Variants in DPP8 observed in about 807,000 individuals in gnomAD.
The protein encoded by DPP8 is dipeptidyl peptidase 8, also known as DPP VIII.
Under a neutral mutation model 107.5 loss-of-function variants are expected in DPP8, and 31 were observed. The ratio of observed to expected loss-of-function variants is 0.29; its 90% CI spans 0.22 to 0.39. The LOEUF is 0.39. Among genes scored for constraint, DPP8 ranks in the 10% least tolerant of loss-of-function variants. The pLI is 1.00. For synonymous variants in DPP8, 381 were observed against 356.6 expected (o/e 1.07, Z -0.77); for missense variants, 842 against 1,076.1 (o/e 0.78, Z 3.04).
chr15:65,456,098 T>C (rs911766300), intron 16 of DPP8, 127 bp downstream of exon 16: 66 of 1,135,932 alleles, frequency 5.8e-5, no homozygotes, highest in Middle Eastern at 2.7e-4. Flanking sequence ...CCCCAAACTC[T>C]AACACATACA....
At chr15:65,456,055 A>G (rs966616380) in intron 16 of DPP8, among the ~76,000 whole-genome samples, 170 bp downstream of exon 16, 1 of 152,156 alleles carries the variant, frequency 6.6e-6, no homozygotes. Flanking sequence ...ACGTATAAGT[A>G]GGGTGTACAT....
chr15:65,497,954 G>C lies in DPP8; in HGVS notation c.625C>G (p.Pro209Ala). The change falls in exon 5 of 20, where the codon CCA (proline) becomes GCA (alanine). Residue 209 changes from proline (P) to alanine (A), a missense_variant. Transcript: ENST00000300141. ...RMDPKLCPAD[P>A]DWIAFIHSND... The stretch of plus-strand genomic sequence containing the variant: ...CTATGTATAAAAGCAATCCAGTCTG[G>C]ATCAGCAGGGCATAATTTTGGATCC... The C allele has an allele frequency of 6.2e-7, 1 of 1,611,792 alleles. No individual in the cohort carries two copies. The highest frequency in any genetic ancestry group is 2.2e-5 in the East Asian group (1 of 44,846).
intron 15 of DPP8, among the ~76,000 whole-genome samples, chr15:65,462,301 A>G (rs2064995987): frequency 6.6e-6 from 1 of 152,102 alleles, no homozygotes; most frequent in South Asian, 2.1e-4. Context: ...ATGAAAATAC[A>G]AATGTCAATC....
At chr15:65,508,238 T>C (rs2070318799) in intron 2 of DPP8, among the ~76,000 whole-genome samples, 1 of 142,100 alleles carries the variant, frequency 7.0e-6, no homozygotes, top group Non-Finnish European at 1.5e-5. Flanking sequence ...AGACTCCGTC[T>C]CAAAAAAAAA....
rs567860914 is a variant in DPP8 at position 65,513,314 on chromosome 15, C to T, written c.-11-750G>A. Among the ~76,000 whole-genome samples, 13 of 152,134 alleles carry T rather than the reference C, an allele frequency of 8.5e-5. No homozygotes were observed. In the South Asian group the frequency reaches 1.9e-3, roughly 22 times the overall value. On this transcript the variant is annotated intron_variant, in intron 1 of 19. Coordinates refer to ENST00000300141, the MANE Select transcript of DPP8 (RefSeq NM_130434.5). ...TTGCAAGCTCCGCCTCCCAGGTTCA[C>T]GCCATTCTCTGCCTTAGCCTCCCCA...
intron 2 of DPP8, chr15:65,511,914 A>G: frequency 3.1e-6 from 1 of 319,758 alleles, no homozygotes; most frequent in East Asian, 7.5e-5. Flanking sequence ...GGATTCAGGA[A>G]GAAGAGACCA....
intron 12 of DPP8, among the ~76,000 whole-genome samples, 195 bp downstream of exon 12, chr15:65,474,014 G>A (rs779898734): frequency 2.0e-5 from 3 of 152,080 alleles, no homozygotes; most frequent in Non-Finnish European, 4.4e-5. Context: ...AGAGGCAGGA[G>A]AACTGCTTGA....
chr15:65,502,958 T>A (rs1202626932), intron 3 of DPP8: 1 of 152,034 alleles, frequency 6.6e-6, no homozygotes, highest in Non-Finnish European at 1.5e-5. Context: ...TAGAAAGACA[T>A]CACGTATGCA....
intron 3 of DPP8, among the ~76,000 whole-genome samples, chr15:65,504,061 C>T (rs115612979): frequency 0.048 from 7,281 of 152,002 alleles, 588 homozygotes; most frequent in African/African-American, 0.17. Context: ...TGTGCCTGGC[C>T]CTTTTTAAAA....
At chr15:65,504,224 G>C (rs1460036767) in intron 3 of DPP8, among the ~76,000 whole-genome samples, 2 of 152,092 alleles carry the variant, frequency 1.3e-5, no homozygotes, top group Non-Finnish European at 2.9e-5. Context: ...TCATCCGGGT[G>C]TGGTGGCGCA....
intron 16 of DPP8, chr15:65,455,580 T>C (rs1386162675): frequency 2.2e-6 from 2 of 898,522 alleles, no homozygotes; most frequent in African/African-American, 3.5e-5. Context: ...ACCTTGTCTA[T>C]ATTACTAGGC....
intron 12 of DPP8, among the ~76,000 whole-genome samples, chr15:65,473,965 G>A (rs571802845): frequency 7.2e-5 from 11 of 152,164 alleles, no homozygotes; most frequent in South Asian, 2.1e-4. Context: ...TTAGCCGGGC[G>A]TGGTGGCACA....
intron 15 of DPP8, among the ~76,000 whole-genome samples, chr15:65,457,266 A>G (rs2064510789): frequency 6.6e-6 from 1 of 152,160 alleles, no homozygotes; most frequent in Non-Finnish European, 1.5e-5. Flanking sequence ...AGGCATGAGA[A>G]TTGCTTGAAC....
chr15:65,512,679 T>C (rs1317503210), intron 1 of DPP8, 115 bp from the exon 2 acceptor site: 2 of 1,031,690 alleles, frequency 1.9e-6, no homozygotes, highest in Non-Finnish European at 2.9e-6. Context: ...AAAAAATGCT[T>C]TTTAGCACAG....
In DPP8 at chr15:65,444,791, G is replaced by A. The variant is rs1443336881; in HGVS notation, c.*2093C>T. 2 of 152,132 alleles carry A rather than the reference G, an allele frequency of 1.3e-5. No individual in the cohort carries two copies. The highest frequency in any genetic ancestry group is 2.9e-5 in the Non-Finnish European group (2 of 68,034). The allele number at this position is 152,132 out of a possible 1,614,324, so 9.4% of individuals were successfully genotyped here. A position where few individuals can be genotyped will look rare whatever the true frequency, so the allele number is the denominator to read the frequency against. On this transcript the variant is annotated 3_prime_UTR_variant, in exon 20 of 20. Coordinates refer to ENST00000300141, the MANE Select transcript of DPP8 (RefSeq NM_130434.5). ...GAAGAAACAGCCTTAATGGGTGAGAGGTTTCAATGGAGTAGCTGCTTAAAA... is the reference window on the plus strand; with the variant it reads ...GAAGAAACAGCCTTAATGGGTGAGAAGTTTCAATGGAGTAGCTGCTTAAAA...
At chr15:65,481,782 T>G (rs2066948729) in intron 8 of DPP8, among the ~76,000 whole-genome samples, 167 bp from the exon 9 acceptor site, 1 of 152,142 alleles carries the variant, frequency 6.6e-6, no homozygotes, top group African/African-American at 2.4e-5. Context: ...CTGGGTTACC[T>G]ATACTGGTAC....
Position 65,466,895 on chromosome 15 carries a change from G to C in DPP8, c.1690-82C>G, listed in dbSNP as rs1280304610. 17 of 1,443,078 alleles carry C rather than the reference G, an allele frequency of 1.2e-5. No individual in the cohort carries two copies. The South Asian group carries it at 1.6e-4, about 14-fold the overall frequency. The allele number at this position is 1,443,078 out of a possible 1,614,324, so 89.4% of individuals were successfully genotyped here. ...CTGTTACATCTGCACTAATGATATA[G>C]CAAGAGTATTATAAGAGACTATTTA... On this transcript the variant is annotated intron_variant, in intron 13 of 19. Transcript: ENST00000300141.
At chr15:65,488,191 T>C (rs1284613470) in intron 6 of DPP8, among the ~76,000 whole-genome samples, 3 of 152,206 alleles carry the variant, frequency 2.0e-5, no homozygotes, top group African/African-American at 7.2e-5. Context: ...TTCAGTTGTT[T>C]TGAATAGTTT....
chr15:65,514,564 A>G (rs577508098), intron 1 of DPP8, among the ~76,000 whole-genome samples: 1 of 152,276 alleles, frequency 6.6e-6, no homozygotes, highest in East Asian at 1.9e-4. Flanking sequence ...GGTAGAGTGC[A>G]GTGGCGCGAG....
Sources: gnomAD v4.1 joint callset for allele counts (sites outside exome capture counted in the v4.1 genomes callset) on GRCh38, gnomAD v4.1.1 for gene constraint, MANE v1.5 for transcripts, NCBI Gene and HGNC (gene_info 2026-07-23, HGNC 2026-07-21) for gene names.